Variants in MIER2 observed in about 807,000 individuals in gnomAD.
The protein encoded by MIER2 is mesoderm induction early response protein 2.
In MIER2, 30 loss-of-function variants were observed where a neutral mutation model predicts 67.6. That is an observed-to-expected ratio of 0.44 (90% CI 0.33 to 0.60). The LOEUF (loss-of-function observed/expected upper bound fraction) is 0.60. MIER2 is among the 20% of genes least tolerant of loss of function. The pLI, the probability that MIER2 is intolerant of heterozygous loss-of-function variation, is 0.02. For synonymous variants in MIER2, 372 were observed against 312.6 expected (o/e 1.19, Z -2.00); for missense variants, 702 against 745.1 (o/e 0.94, Z 0.67).
At chr19:339,077 A>AT (rs1480123381) in intron 1 of MIER2, among the ~76,000 whole-genome samples, 20 of 135,408 alleles carry the variant, frequency 1.5e-4, no homozygotes, top group African/African-American at 6.1e-4. Flanking sequence ...ATCACAAGTG[A>AT]CCAAAAAAAA....
intron 3 of MIER2, among the ~76,000 whole-genome samples, chr19:331,360 G>GGA (rs1555692442): frequency 3.4e-5 from 4 of 117,964 alleles, no homozygotes; most frequent in African/African-American, 1.3e-4. Context: ...TCTGTCCCCA[G>GGA]AAAAAAAAAA....
At chr19:314,872 T>C (rs893096219) in intron 7 of MIER2, among the ~76,000 whole-genome samples, 28 of 151,462 alleles carry the variant, frequency 1.8e-4, no homozygotes, top group African/African-American at 5.8e-4. Flanking sequence ...GGAGGATCGG[T>C]TGAGGCCAGA....
chr19:335,352 G>A lies in MIER2; in HGVS notation c.100+731C>T, dbSNP rs148386331. Among the ~76,000 whole-genome samples, 843 of 152,350 alleles carry A rather than the reference G, an allele frequency of 5.5e-3. 4 individuals are homozygous for A. Among genetic ancestry groups the A allele is most frequent in the African/African-American group, 0.019 (796 of 41,584 alleles). Reference sequence around the variant, plus strand: ...CAGCCCATGCACAGAACATGCAGCTGCAGGGCACAGAGGACCCCCAGCGGC... The same window carrying A: ...CAGCCCATGCACAGAACATGCAGCTACAGGGCACAGAGGACCCCCAGCGGC... On this transcript the variant is annotated intron_variant, in intron 2 of 13. Transcript: ENST00000264819.
chr19:343,163 G>C (rs1198486175), intron 1 of MIER2, among the ~76,000 whole-genome samples: 1 of 152,186 alleles, frequency 6.6e-6, no homozygotes, highest in East Asian at 1.9e-4. Context: ...GGAGCAGCCG[G>C]ACCACAAGCT....
chr19:308,905 G>T lies in MIER2; in HGVS notation c.1005C>A (p.Gly335=). 6.2e-7 allele frequency: 1 copy of T among 1,605,964 alleles called. No homozygotes were observed. The highest frequency in any genetic ancestry group is 8.5e-7 in the Non-Finnish European group (1 of 1,174,066). The change falls in exon 11 of 14, where the codon GGC becomes GGA. Residue 335 remains glycine (G), a synonymous_variant. Transcript: ENST00000264819. This position sits in a 1 kb window ranked among gnomAD's most constrained non-coding sequence, Gnocchi z 9.1. ...QANKVRTRSV[G]ECVEYYYLWK... ...ACAGGTAGTAGTACTCGACACACTC[G>T]CCCACTGACCGTGTGCGCACCTGCG...
rs555185796 is a variant in MIER2, at chr19:307,384, C to T, written c.1351G>A (p.Asp451Asn). 2.9e-5 allele frequency: 46 copies of T among 1,606,980 alleles called. No individual in the cohort carries two copies. The highest frequency in any genetic ancestry group is 2.1e-4 in the South Asian group (19 of 89,714). The change falls in exon 13 of 14, where the codon GAC (aspartate) becomes AAC (asparagine). Residue 451 changes from aspartate to asparagine, a missense_variant. Transcript: ENST00000264819. ...PLSHRPPALADPASYQPAVTA... is the reference protein window; with the variant it reads ...PLSHRPPALANPASYQPAVTA... ...ACAGCTGGCTGGTATGAGGCTGGGT[C>T]GGCCAGGGCTGGGGGCCGATGGGAC... is the stretch of plus-strand genomic sequence containing the variant.
At chr19:327,713 T>C (rs938197150) in intron 4 of MIER2, 151 bp downstream of exon 4, 1 of 1,322,792 alleles carries the variant, frequency 7.6e-7, no homozygotes, top group African/African-American at 1.5e-5. Context: ...CCCATGGCCA[T>C]TCCAACCCCA....
intron 8 of MIER2, 131 bp downstream of exon 8, chr19:313,361 C>T: frequency 7.1e-7 from 1 of 1,416,130 alleles, no homozygotes; most frequent in Non-Finnish European, 9.5e-7. Flanking sequence ...TGTTCCAGTG[C>T]CCTGGCCCCC....
At chr19:334,303 G>A (rs982742785) in intron 3 of MIER2, 97 bp downstream of exon 3, 4 of 1,532,090 alleles carry the variant, frequency 2.6e-6, no homozygotes, top group East Asian at 2.2e-5. Context: ...GTACAATTTA[G>A]CACTTACCAA....
At chr19:317,146 G>C (rs1971269670) in intron 7 of MIER2, among the ~76,000 whole-genome samples, 1 of 152,174 alleles carries the variant, frequency 6.6e-6, no homozygotes, top group Admixed American at 6.5e-5. Context: ...TGTAATCCCA[G>C]CACTTTGGGA....
In MIER2 at chr19:312,311, G is replaced by A. The variant is rs60199290; in HGVS notation, c.808-39C>T. 952 of 1,592,660 alleles carry A rather than the reference G, an allele frequency of 6.0e-4. 1 individual carries two copies. The highest frequency in any genetic ancestry group is 9.3e-4 in the South Asian group (84 of 90,550). ...ATGTTGGCTCTTCCATGGGCTCAGC[G>A]CAGGAGCCGACAGCAAGAACTGTCT... On this transcript the variant is annotated intron_variant, in intron 8 of 13. Transcript: ENST00000264819.
intron 7 of MIER2, among the ~76,000 whole-genome samples, chr19:320,116 T>G (rs967608323): frequency 4.6e-5 from 7 of 152,034 alleles, no homozygotes; most frequent in African/African-American, 1.4e-4. Flanking sequence ...GGCTCATGAG[T>G]GTAATCCCGG....
intron 4 of MIER2, 148 bp from the exon 5 acceptor site, chr19:327,404 G>C: frequency 2.8e-6 from 3 of 1,078,664 alleles, no homozygotes; most frequent in Non-Finnish European, 3.9e-6. Context: ...CACAGCGTGG[G>C]GGGAGCGGGG....
rs946017085 is a variant in MIER2 at position 306,431 on chromosome 19, C to T, written c.*259G>A. 13 of 596,048 alleles carry T rather than the reference C, an allele frequency of 2.2e-5. No individual in the cohort carries two copies. The highest frequency in any genetic ancestry group is 4.1e-5 in the South Asian group (2 of 49,304). 36.9% of individuals were successfully genotyped at this position (596,048 alleles called of 1,614,324 possible). On this transcript the variant is annotated 3_prime_UTR_variant, in exon 14 of 14. Coordinates refer to ENST00000264819, the MANE Select transcript of MIER2 (RefSeq NM_017550.3). ...GTCCCCGGCTGCCCGACGGATCCCA[C>T]GTGCAGGCAGCGGCCCGGACCCGGG...
At position 327,259 on chromosome 19, in the gene MIER2, T is replaced by TAA. The variant is rs1568231161; in HGVS notation, c.370-4_370-3insTT. The TAA allele has an allele frequency of 5.1e-6, 8 of 1,561,014 alleles. No individual in the cohort carries two copies. Among genetic ancestry groups the TAA allele is most frequent in the Non-Finnish European group, 6.9e-6 (8 of 1,165,104 alleles). On this transcript the variant is annotated splice_region_variant and splice_polypyrimidine_tract_variant and intron_variant, in intron 4 of 13. Transcript: ENST00000264819. ...AGCAAATCCTTCGCTATTTGTTCCT[T>TAA]TAAAAAAAAAAAAAAAAGTAAAGAA...
rs552050939 is a variant in MIER2 at position 313,412 on chromosome 19, C to T, written c.807+80G>A. 1.2e-3 allele frequency: 1,824 copies of T among 1,558,196 alleles called. 1 individual carries two copies. Among genetic ancestry groups the T allele is most frequent in the Non-Finnish European group, 1.5e-3 (1,705 of 1,158,596 alleles). On this transcript the variant is annotated intron_variant, in intron 8 of 13. Coordinates refer to ENST00000264819, the MANE Select transcript of MIER2 (RefSeq NM_017550.3). ...GCCCTCCCCTCTGCCCTCCCTGGCC[C>T]CTGGAGGCACTGGGGTGTGAGCTCT...
rs138214631 is a variant in MIER2, at chr19:317,153, G to A, written c.656-3510C>T. ...CTCACGCCTGTAATCCCAGCACTTT[G>A]GGAGGCCGACGTGGGCGGATCACGA... On this transcript the variant is annotated intron_variant, in intron 7 of 13. Coordinates refer to ENST00000264819, the MANE Select transcript of MIER2 (RefSeq NM_017550.3). Among the ~76,000 whole-genome samples the A allele has an allele frequency of 1.6e-3, 250 of 152,278 alleles. 2 individuals carry two copies. Among genetic ancestry groups the A allele is most frequent in the Admixed American group, 5.1e-3 (78 of 15,288 alleles).
intron 7 of MIER2, among the ~76,000 whole-genome samples, chr19:325,028 G>C (rs573942253): frequency 3.3e-5 from 5 of 152,298 alleles, no homozygotes; most frequent in African/African-American, 1.2e-4. Flanking sequence ...TTCCCACCAC[G>C]CATCTCAGCC....
chr19:318,784 C>G (rs905528308), intron 7 of MIER2, among the ~76,000 whole-genome samples: 1 of 152,112 alleles, frequency 6.6e-6, no homozygotes, highest in Non-Finnish European at 1.5e-5. Context: ...AGGCTGGGCG[C>G]GGTGGCTCAC....
Sources: gnomAD v4.1 joint callset for allele counts (sites outside exome capture counted in the v4.1 genomes callset) on GRCh38, gnomAD v4.1.1 for gene constraint, Gnocchi (gnomAD v3.1) non-coding constraint, MANE v1.5 for transcripts, NCBI Gene and HGNC (gene_info 2026-07-23, HGNC 2026-07-21) for gene names.